The following ROBO2 variants were observed in gnomAD, a reference collection of about 807,000 sequenced individuals.
ROBO2 encodes the protein roundabout guidance receptor 2.
Under a neutral mutation model 160.8 loss-of-function variants are expected in ROBO2, and 53 were observed. That is an observed-to-expected ratio of 0.33 (90% CI 0.26 to 0.41). The LOEUF (loss-of-function observed/expected upper bound fraction) is 0.41. Among genes scored for constraint, ROBO2 ranks in the 10% least tolerant of loss-of-function variants. The pLI, the probability that ROBO2 is intolerant of heterozygous loss-of-function variation, is 1.00. For synonymous variants in ROBO2, 664 were observed against 611.7 expected, an observed-to-expected ratio of 1.09 and a Z score of -1.26; for missense variants, 1,577 against 1,722.4, an observed-to-expected ratio of 0.92 and a Z score of 1.49.
intron 5 of ROBO2, among the ~76,000 whole-genome samples, chr3:77,510,436 G>T (rs931025094): frequency 6.6e-6 from 1 of 152,102 alleles, no homozygotes; most frequent in African/African-American, 2.4e-5. Flanking sequence ...GGCAGGATCC[G>T]ACATTTGAAC....
chr3:76,874,523 T>A (rs574295262), intron 2 of ROBO2, among the ~76,000 whole-genome samples: 17 of 152,296 alleles, frequency 1.1e-4, no homozygotes, highest in African/African-American at 3.8e-4. Flanking sequence ...AAATTCTGAT[T>A]GTCAAGCTAG....
At chr3:77,123,090 A>C (rs2074942738) in intron 2 of ROBO2, among the ~76,000 whole-genome samples, 1 of 152,220 alleles carries the variant, frequency 6.6e-6, no homozygotes, top group Non-Finnish European at 1.5e-5. Context: ...GCAGTTTGCC[A>C]ATAAAGATAT....
At chr3:76,219,718 C>T (rs1214537213) in intron 2 of ROBO2, among the ~76,000 whole-genome samples, 1 of 152,174 alleles carries the variant, frequency 6.6e-6, no homozygotes, top group Non-Finnish European at 1.5e-5. Context: ...AACACTTTTA[C>T]ACTGTTCGTG....
At chr3:76,392,440 G>A (rs191767048) in intron 2 of ROBO2, among the ~76,000 whole-genome samples, 310 of 152,146 alleles carry the variant, frequency 2.0e-3, no homozygotes, top group Middle Eastern at 6.8e-3. Context: ...CATTAATAAC[G>A]TCACATATAA....
chr3:76,071,544 A>T (rs997093047), intron 2 of ROBO2, among the ~76,000 whole-genome samples: 6 of 152,122 alleles, frequency 3.9e-5, no homozygotes, highest in African/African-American at 1.4e-4. Context: ...CATTTAGGAT[A>T]TATTCGTATC....
At chr3:76,917,111 G>A (rs1375799353) in intron 2 of ROBO2, among the ~76,000 whole-genome samples, 2 of 152,152 alleles carry the variant, frequency 1.3e-5, no homozygotes, top group East Asian at 3.9e-4. Context: ...TCATGGACAG[G>A]GTGGTATCCG....
intron 2 of ROBO2, among the ~76,000 whole-genome samples, chr3:76,100,270 A>G (rs1008732406): frequency 6.6e-6 from 1 of 152,214 alleles, no homozygotes; most frequent in Non-Finnish European, 1.5e-5. Context: ...TTCAGGCTCA[A>G]TAGAATCACC....
At chr3:77,115,537 C>A (rs2074112458) in intron 2 of ROBO2, among the ~76,000 whole-genome samples, 1 of 152,128 alleles carries the variant, frequency 6.6e-6, no homozygotes, top group Non-Finnish European at 1.5e-5. Context: ...TGAATATTAG[C>A]CCTTTCTCTA....
At chr3:77,395,418 G>A (rs2075178131) in intron 2 of ROBO2, among the ~76,000 whole-genome samples, 1 of 152,134 alleles carries the variant, frequency 6.6e-6, no homozygotes, top group African/African-American at 2.4e-5. Flanking sequence ...GGAGATTTAT[G>A]CTTTAGGAGA....
intron 2 of ROBO2, among the ~76,000 whole-genome samples, chr3:76,116,985 A>G (rs1325763966): frequency 1.3e-5 from 2 of 152,188 alleles, no homozygotes; most frequent in Non-Finnish European, 2.9e-5. Flanking sequence ...GAAGAAATAG[A>G]TTATGGAATA....
chr3:76,396,937 T>A (rs1435637576), intron 2 of ROBO2, among the ~76,000 whole-genome samples: 1 of 152,152 alleles, frequency 6.6e-6, no homozygotes, highest in Non-Finnish European at 1.5e-5. Context: ...CCCATCAAGC[T>A]ACCAATGACT....
chr3:77,493,419 C>T, intron 5 of ROBO2, 37 bp downstream of exon 5: 1 of 1,607,074 alleles, frequency 6.2e-7, no homozygotes, highest in Non-Finnish European at 8.5e-7. Flanking sequence ...TGTTAGATAA[C>T]CAATGAATAA....
At position 76,775,253 on chromosome 3, in the gene ROBO2, G is replaced by A. The variant is rs754586378; in HGVS notation, c.110-322761G>A. On this transcript the variant is annotated intron_variant, in intron 2 of 26. Transcript: ENST00000487694. ...TTTTTACTGTTTTGACAGGCTTACT[G>A]TTGCGCATCTTGAAGTTATATAATT... Among the ~76,000 whole-genome samples, 7 of 150,660 alleles carry A rather than the reference G, an allele frequency of 4.6e-5. No individual in the cohort carries two copies. The East Asian group carries it at 9.8e-4, about 21-fold the overall frequency.
intron 2 of ROBO2, among the ~76,000 whole-genome samples, chr3:76,465,157 G>A (rs2078294915): frequency 6.6e-6 from 1 of 152,042 alleles, no homozygotes; most frequent in South Asian, 2.1e-4. Flanking sequence ...AGAACAAAGT[G>A]TATTGAAGAT....
At chr3:77,442,236 C>G (rs983906084) in intron 2 of ROBO2, among the ~76,000 whole-genome samples, 1 of 151,680 alleles carries the variant, frequency 6.6e-6, no homozygotes, top group South Asian at 2.1e-4. Flanking sequence ...GGCGTGAACC[C>G]GGGAGGCAGA....
At chr3:76,427,430 G>A (rs562456417) in intron 2 of ROBO2, among the ~76,000 whole-genome samples, 1 of 152,196 alleles carries the variant, frequency 6.6e-6, no homozygotes, top group East Asian at 1.9e-4. Flanking sequence ...GTTCCTGGAT[G>A]CACTTTAAAA....
intron 2 of ROBO2, among the ~76,000 whole-genome samples, chr3:76,210,546 T>C (rs557704022): frequency 1.8e-4 from 28 of 152,218 alleles, no homozygotes; most frequent in African/African-American, 6.0e-4. Flanking sequence ...CAATACCAAA[T>C]TTATTTTTAG....
At chr3:76,806,633 C>T (rs1036693605) in intron 2 of ROBO2, among the ~76,000 whole-genome samples, 3 of 151,984 alleles carry the variant, frequency 2.0e-5, no homozygotes, top group African/African-American at 4.8e-5. Flanking sequence ...TTGGCACACT[C>T]GTCATTTAAA....
chr3:76,034,571 T>A (rs2067036735), intron 2 of ROBO2, among the ~76,000 whole-genome samples: 1 of 152,144 alleles, frequency 6.6e-6, no homozygotes, highest in South Asian at 2.1e-4. Flanking sequence ...TAGTTCTGTG[T>A]GTTAGAATGT....
Sources: gnomAD v4.1 joint callset for allele counts (sites outside exome capture counted in the v4.1 genomes callset) on GRCh38, gnomAD v4.1.1 for gene constraint, MANE v1.5 for transcripts, NCBI Gene and HGNC (gene_info 2026-07-23, HGNC 2026-07-21) for gene names.